Variants in DACT3 observed in about 807,000 individuals in gnomAD.
DACT3 encodes the protein dapper homolog 3.
A neutral mutation model predicts 19.6 loss-of-function variants in DACT3; 5 were observed. The ratio of observed to expected loss-of-function variants is 0.26; its 90% CI spans 0.13 to 0.54. DACT3 has a LOEUF of 0.54. Ranked by LOEUF, DACT3 falls within the 20% of genes least tolerant of loss-of-function variation. DACT3 has a pLI of 0.95. For synonymous variants in DACT3, 454 were observed against 428.1 expected (o/e 1.06, Z -0.75); for missense variants, 908 against 927.4 (o/e 0.98, Z 0.27).
intron 1 of DACT3, among the ~76,000 whole-genome samples, chr19:46,655,952 AACAC>A (rs2053030757): frequency 1.4e-5 from 2 of 144,336 alleles, no homozygotes; most frequent in Non-Finnish European, 3.0e-5. Flanking sequence ...TATATACACA[AACAC>A]ACATATATAT....
At chr19:46,657,698 C>A (rs2053043379) in intron 1 of DACT3, among the ~76,000 whole-genome samples, 1 of 151,394 alleles carries the variant, frequency 6.6e-6, no homozygotes, top group Non-Finnish European at 1.5e-5. Context: ...TGTATGATTA[C>A]AGGAAAGCTA....
Position 46,649,724 on chromosome 19 carries a change from C to T in DACT3, c.648G>A (p.Leu216=). ...CCACGGCGTGCAGGGGGCTGGGCGT[C>T]AGAAAGGGCCCGGCGCGGGCCCGCC... ...AERRARAGPF[L]TPSPLHAVAM... Residue 216 remains leucine, a synonymous_variant, in exon 4 of 4, where the codon CTG becomes CTA. Transcript: ENST00000391916. 5 of 1,238,284 alleles carry T rather than the reference C, an allele frequency of 4.0e-6. No individual in the cohort carries two copies. Among genetic ancestry groups the T allele is most frequent in the Non-Finnish European group, 5.0e-6 (5 of 991,030 alleles). 76.7% of individuals were successfully genotyped at this position (1,238,284 alleles called of 1,614,324 possible). A position where few individuals can be genotyped will look rare whatever the true frequency, so the allele number is the denominator to read the frequency against.
rs1227984975 is a variant in DACT3 at position 46,648,997 on chromosome 19, G to C, written c.1375C>G (p.Arg459Gly). The C allele has an allele frequency of 2.4e-5, 31 of 1,270,034 alleles. No individual in the cohort carries two copies. Among genetic ancestry groups the C allele is most frequent in the Non-Finnish European group, 3.0e-5 (30 of 1,010,054 alleles). The allele number at this position is 1,270,034 out of a possible 1,614,324, so 78.7% of individuals were successfully genotyped here. ...GCCGCCAGCGTGGGCGCTGGGCCGC[G>C]GCGTGGCCGTGGAGGCCGAGGCTCT... ...REEPRPPRPR[R>G]GPAPTLAAQA... The change falls in exon 4 of 4, where the codon CGC (arginine) becomes GGC (glycine). Residue 459 changes from arginine (R) to glycine (G), a missense_variant. This residue lies in a region of DACT3 where 656 missense variants were observed against 601.8 expected (regional missense o/e 1.09). Coordinates refer to ENST00000391916, the MANE Select transcript of DACT3 (RefSeq NM_145056.3). The surrounding 1 kb of genome is among the most constrained non-coding windows in gnomAD (Gnocchi z 5.1).
chr19:46,659,236 T>TG, intron 1 of DACT3: 2 of 981,816 alleles, frequency 2.0e-6, no homozygotes, highest in South Asian at 4.8e-5. Context: ...GCCTAGAGAC[T>TG]GGGGGGTGGG....
chr19:46,659,489 G>A (rs1464301207), intron 1 of DACT3: 1 of 985,174 alleles, frequency 1.0e-6, no homozygotes. Context: ...GCTTGGGGTG[G>A]GGGGAGCTAG....
At position 46,648,790 on chromosome 19, in the gene DACT3, G is replaced by T; in HGVS notation, c.1582C>A (p.Arg528Ser). The T allele has an allele frequency of 6.5e-7, 1 of 1,541,352 alleles. No individual in the cohort carries two copies. The highest frequency in any genetic ancestry group is 8.7e-7 in the Non-Finnish European group (1 of 1,150,870). Reference sequence around the variant, plus strand: ...CCCCGGCGTCCCAGGGGCCCCAGGCGCCCAGCCGAGCACTCGGAGTCGCTG... The same window carrying T: ...CCCCGGCGTCCCAGGGGCCCCAGGCTCCCAGCCGAGCACTCGGAGTCGCTG... Reference protein sequence around the residue: ...AGSDSECSAGRLGPLGRRGPA... With the variant: ...AGSDSECSAGSLGPLGRRGPA... Residue 528 changes from arginine (R) to serine (S), a missense_variant, in exon 4 of 4, where the codon CGC becomes AGC. Physicochemically the swap from Arg to Ser is moderately radical, Grantham distance 110. This residue lies in a region of DACT3 where 656 missense variants were observed against 601.8 expected (regional missense o/e 1.09). Transcript: ENST00000391916. The surrounding 1 kb of genome is among the most constrained non-coding windows in gnomAD (Gnocchi z 5.1).
Position 46,648,246 on chromosome 19 carries a change from T to C in DACT3, c.*236A>G. On this transcript the variant is annotated 3_prime_UTR_variant, in exon 4 of 4. Coordinates refer to ENST00000391916, the MANE Select transcript of DACT3 (RefSeq NM_145056.3). The surrounding 1 kb of genome is among the most constrained non-coding windows in gnomAD (Gnocchi z 5.1). ...TGACGCCCAGAGAAGGGGAACTGTC[T>C]TGCCCAAGGGCTTCCAAGCTAGAAG... The C allele has an allele frequency of 1.6e-6, 1 of 621,494 alleles. No homozygotes were observed. The highest frequency in any genetic ancestry group is 2.8e-6 in the Non-Finnish European group (1 of 361,686). The allele number at this position is 621,494 out of a possible 1,614,324, so 38.5% of individuals were successfully genotyped here.
chr19:46,654,481 C>CAAAAAAAAAAAAAAAAAAAAAA (rs78287248), intron 1 of DACT3: 1 of 591,218 alleles, frequency 1.7e-6, no homozygotes. Context: ...GCAAGACTGA[C>CAAAAAAAAAAAAAAAAAAAAAA]AAAAAAAAAA....
chr19:46,659,905 G>A (rs2053062219), intron 1 of DACT3, among the ~76,000 whole-genome samples: 1 of 152,102 alleles, frequency 6.6e-6, no homozygotes, highest in South Asian at 2.1e-4. Context: ...AGATGCAGAG[G>A]GACACAGAGA....
chr19:46,654,096 G>A (rs1243247554), intron 1 of DACT3: 3 of 985,202 alleles, frequency 3.0e-6, no homozygotes, highest in African/African-American at 3.5e-5. Context: ...ATCCCAGCAC[G>A]TTCCTTTGCC....
In DACT3 at chr19:46,648,918, G is replaced by A; in HGVS notation, c.1454C>T (p.Ala485Val). 1 of 1,358,906 alleles carries A rather than the reference G, an allele frequency of 7.4e-7. No individual in the cohort carries two copies. The highest frequency in any genetic ancestry group is 1.7e-5 in the South Asian group (1 of 57,162). The allele number at this position is 1,358,906 out of a possible 1,614,324, so 84.2% of individuals were successfully genotyped here. ...RWRSTAEIDAADGRRVRPRAP... is the reference protein window; with the variant it reads ...RWRSTAEIDAVDGRRVRPRAP... ...TCGGGGCCGCACGCGGCGCCCATCG[G>A]CAGCGTCGATCTCCGCAGTGGAGCG... is the stretch of plus-strand genomic sequence containing the variant. The change falls in exon 4 of 4, where the codon GCC becomes GTC. Residue 485 changes from alanine to valine, a missense_variant. Around this residue, in one of 2 missense-constraint regions of DACT3, gnomAD observed 656 missense variants for 601.8 expected, o/e 1.09. Transcript: ENST00000391916. The surrounding 1 kb of genome is among the most constrained non-coding windows in gnomAD (Gnocchi z 5.1).
intron 3 of DACT3, chr19:46,650,394 T>G (rs887929978): frequency 6.6e-6 from 1 of 151,686 alleles, no homozygotes; most frequent in Non-Finnish European, 1.5e-5. Flanking sequence ...AGTGCTGGGA[T>G]TACAGGTGTG....
At chr19:46,652,391 G>T in intron 3 of DACT3, 1 of 478,882 alleles carries the variant, frequency 2.1e-6, no homozygotes, top group Non-Finnish European at 3.7e-6. Flanking sequence ...CACTATGTTG[G>T]CCAGGCTGGT....
intron 1 of DACT3, chr19:46,654,005 T>C (rs536493185): frequency 3.1e-5 from 31 of 985,398 alleles, no homozygotes; most frequent in Non-Finnish European, 3.6e-5. Context: ...CTCATAAACG[T>C]CTTTGCTCTC....
Position 46,649,659 on chromosome 19 carries a change from T to C in DACT3, c.713A>G (p.Asp238Gly). ...CCCTGCGCCCCCCGCGTCGGGCGAG[T>C]CGGTGGGAGGGCGGCCGCAGGGCCG... ...SPRPCGRPPTDSPDAGGAGRP... is the reference protein window; with the variant it reads ...SPRPCGRPPTGSPDAGGAGRP... The change falls in exon 4 of 4, where the codon GAC becomes GGC. Residue 238 changes from aspartate to glycine, a missense_variant. Physicochemically the swap from Asp to Gly is moderately conservative, Grantham distance 94. Coordinates refer to ENST00000391916, the MANE Select transcript of DACT3 (RefSeq NM_145056.3). 8.6e-7 allele frequency: 1 copy of C among 1,160,286 alleles called. No individual in the cohort carries two copies. The highest frequency in any genetic ancestry group is 1.1e-6 in the Non-Finnish European group (1 of 944,048). The allele number at this position is 1,160,286 out of a possible 1,614,324, so 71.9% of individuals were successfully genotyped here. A position where few individuals can be genotyped will look rare whatever the true frequency, so the allele number is the denominator to read the frequency against.
intron 1 of DACT3, chr19:46,654,146 A>C (rs1298107021): frequency 4.1e-6 from 4 of 985,134 alleles, no homozygotes; most frequent in Non-Finnish European, 4.8e-6. Flanking sequence ...GTCCACTCCC[A>C]CCAGGAAGCT....
At position 46,660,591 on chromosome 19, in the gene DACT3, C is replaced by T. The variant is rs2053067675; in HGVS notation, c.249+225G>A. 6.6e-6 allele frequency among the ~76,000 whole-genome samples: 1 copy of T among 152,052 alleles called. No individual in the cohort carries two copies. Among genetic ancestry groups the T allele is most frequent in the Non-Finnish European group, 1.5e-5 (1 of 67,980 alleles). On this transcript the variant is annotated intron_variant, in intron 1 of 3. Transcript: ENST00000391916. The surrounding 1 kb of genome is among the most constrained non-coding windows in gnomAD (Gnocchi z 4.9). The stretch of plus-strand genomic sequence containing the variant: ...TGTAAGAGACAGGGCCTGTGTTTCT[C>T]ACGAGGCCCCAGTGGGGGCGATGCA...
At position 46,648,980 on chromosome 19, in the gene DACT3, C is replaced by G. The variant is rs1475136758; in HGVS notation, c.1392G>C (p.Thr464=). 5 of 1,287,050 alleles carry G rather than the reference C, an allele frequency of 3.9e-6. No homozygotes were observed. The highest frequency in any genetic ancestry group is 4.9e-6 in the Non-Finnish European group (5 of 1,019,942). The allele number at this position is 1,287,050 out of a possible 1,614,324, so 79.7% of individuals were successfully genotyped here. Reference sequence around the variant, plus strand: ...AGGACCCTGCGGCCTGGGCCGCCAGCGTGGGCGCTGGGCCGCGGCGTGGCC... The same window carrying G: ...AGGACCCTGCGGCCTGGGCCGCCAGGGTGGGCGCTGGGCCGCGGCGTGGCC... The part of the protein sequence containing the change: ...PPRPRRGPAP[T]LAAQAAGSCR... The change falls in exon 4 of 4, where the codon ACG becomes ACC. Residue 464 remains threonine (T), a synonymous_variant. Transcript: ENST00000391916. The surrounding 1 kb of genome is among the most constrained non-coding windows in gnomAD (Gnocchi z 5.1).
rs2122434326 is a variant in DACT3, at chr19:46,649,040, G to A, written c.1332C>T (p.Tyr444=). The A allele has an allele frequency of 7.8e-7, 1 of 1,280,492 alleles. No individual in the cohort carries two copies. The highest frequency in any genetic ancestry group is 2.4e-5 in the South Asian group (1 of 42,374). 79.3% of individuals were successfully genotyped at this position (1,280,492 alleles called of 1,614,324 possible). A position where few individuals can be genotyped will look rare whatever the true frequency, so the allele number is the denominator to read the frequency against. The change falls in exon 4 of 4, where the codon TAC becomes TAT. Residue 444 remains tyrosine (Y), a synonymous_variant. Coordinates refer to ENST00000391916, the MANE Select transcript of DACT3 (RefSeq NM_145056.3). ...GAGGCTCTTCCCGCTCCGCCGTGGG[G>A]TACTTAGGGGGCCCCGAAGGGACCG... ...ASAVPSGPPK[Y]PTAEREEPRP... is the part of the protein sequence containing the mutation.
Sources: gnomAD v4.1 joint callset for allele counts (sites outside exome capture counted in the v4.1 genomes callset) on GRCh38, gnomAD v4.1.1 for gene constraint, gnomAD v4.1.1 regional missense constraint, Gnocchi (gnomAD v3.1) non-coding constraint, MANE v1.5 for transcripts, NCBI Gene and HGNC (gene_info 2026-07-23, HGNC 2026-07-21) for gene names.